FHOD3: variants seen among roughly 807,000 people sequenced by gnomAD.
FHOD3 encodes FH1/FH2 domain-containing protein 3.
In FHOD3, 90 loss-of-function variants were observed where a neutral mutation model predicts 173.0. The observed-to-expected ratio is 0.52, with a 90% CI of 0.44 to 0.62. FHOD3 has a LOEUF of 0.62. Among genes scored for constraint, FHOD3 ranks in the 20% least tolerant of loss-of-function variants. The pLI, the probability that FHOD3 is intolerant of heterozygous loss-of-function variation, is 0.00. For synonymous variants in FHOD3, 828 were observed against 823.0 expected (o/e 1.01, Z -0.10); for missense variants, 1,945 against 2,034.7 (o/e 0.96, Z 0.85).
At chr18:36,643,445 A>G (rs541373468) in intron 10 of FHOD3, among the ~76,000 whole-genome samples, 2 of 152,296 alleles carry the variant, frequency 1.3e-5, no homozygotes, top group African/African-American at 4.8e-5. Flanking sequence ...GGTTGGGGGC[A>G]GAATAACCCT....
At chr18:36,644,697 G>C (rs2035562906) in intron 10 of FHOD3, among the ~76,000 whole-genome samples, 1 of 152,236 alleles carries the variant, frequency 6.6e-6, no homozygotes, top group Non-Finnish European at 1.5e-5. Context: ...CAGCCATTTG[G>C]AAAAGAGTTG....
chr18:36,765,898 TTTGAAGAGA>T (rs546409317), intron 27 of FHOD3, among the ~76,000 whole-genome samples: 99 of 152,210 alleles, frequency 6.5e-4, no homozygotes, highest in African/African-American at 2.0e-3. Context: ...AGAAGCAATA[TTTGAAGAGA>T]TTGAAGAGAT....
At position 36,744,140 on chromosome 18, in the gene FHOD3, C is replaced by A; in HGVS notation, c.3988C>A (p.Pro1330Thr). The change falls in exon 23 of 29, where the codon CCA becomes ACA. Residue 1330 changes from proline (P) to threonine (T), a missense_variant. By Grantham distance (38) the Pro-to-Thr change is conservative. Transcript: ENST00000590592. ...HVCTMVVENF[P>T]DSSDLYSEIG... is the part of the protein sequence containing the mutation. Reference sequence around the variant, plus strand: ...GTGCACCATGGTGGTAGAAAACTTCCCAGACAGCTCCGATCTGTACTCGGA... The same window carrying A: ...GTGCACCATGGTGGTAGAAAACTTCACAGACAGCTCCGATCTGTACTCGGA... The A allele has an allele frequency of 6.2e-7, 1 of 1,614,148 alleles. No homozygotes were observed. Among genetic ancestry groups the A allele is most frequent in the South Asian group, 1.1e-5 (1 of 91,076 alleles).
intron 5 of FHOD3, among the ~76,000 whole-genome samples, chr18:36,565,499 C>G (rs894733197): frequency 6.6e-6 from 1 of 152,144 alleles, no homozygotes; most frequent in Non-Finnish European, 1.5e-5. Context: ...TACAGTATCC[C>G]CATCTTCATT....
At chr18:36,442,963 T>A (rs911123740) in intron 3 of FHOD3, among the ~76,000 whole-genome samples, 3 of 152,242 alleles carry the variant, frequency 2.0e-5, no homozygotes, top group African/African-American at 7.2e-5. Flanking sequence ...TTTTGTAGAA[T>A]GGCCCTCAAG....
At chr18:36,618,422 C>T (rs1173797806) in intron 9 of FHOD3, among the ~76,000 whole-genome samples, 1 of 149,638 alleles carries the variant, frequency 6.7e-6, no homozygotes, top group Non-Finnish European at 1.5e-5. Flanking sequence ...AAGTGATTCT[C>T]CTGCCTCAGC....
At chr18:36,334,273 A>G (rs2045184357) in intron 1 of FHOD3, among the ~76,000 whole-genome samples, 1 of 152,264 alleles carries the variant, frequency 6.6e-6, no homozygotes, top group African/African-American at 2.4e-5. Context: ...AAAAAATGGG[A>G]CATACAGAAA....
rs2034050113 is a variant in FHOD3 at position 36,625,685 on chromosome 18, AC to A, written c.1134del (p.Ser379ValfsTer128). The part of the protein sequence containing the change: ...QSIKSTLSAP[T>X]SPCSQSAPSF... ...CATCAAGAGCACCCTGTCGGCCCCC[AC>A]CAGTCCCTGCTCCCAGTCAGCTCCC... is the stretch of plus-strand genomic sequence containing the variant. On this transcript the variant is annotated frameshift_variant, in exon 10 of 29. Transcript: ENST00000590592. LOFTEE classifies it high-confidence loss of function. 2.5e-6 allele frequency: 4 copies of A among 1,611,480 alleles called. No individual in the cohort carries two copies. The highest frequency in any genetic ancestry group is 3.4e-6 in the Non-Finnish European group (4 of 1,178,602).
chr18:36,406,606 C>G (rs1011146692), intron 3 of FHOD3, among the ~76,000 whole-genome samples: 4 of 152,190 alleles, frequency 2.6e-5, no homozygotes, highest in Non-Finnish European at 2.9e-5. Flanking sequence ...GCCTATCAGT[C>G]ATATTCACTT....
At chr18:36,611,802 G>A in intron 8 of FHOD3, 150 bp from the exon 9 acceptor site, 1 of 700,104 alleles carries the variant, frequency 1.4e-6, no homozygotes, top group Non-Finnish European at 2.3e-6. Context: ...ACACTGAAGA[G>A]GCTTTTGCTC....
intron 3 of FHOD3, among the ~76,000 whole-genome samples, chr18:36,425,608 G>C (rs557344115): frequency 6.6e-6 from 1 of 152,100 alleles, no homozygotes; most frequent in Non-Finnish European, 1.5e-5. Flanking sequence ...CAACAGTGGC[G>C]CTTGACTCCA....
intron 6 of FHOD3, among the ~76,000 whole-genome samples, chr18:36,582,182 G>A (rs971018806): frequency 3.9e-5 from 6 of 152,184 alleles, no homozygotes; most frequent in African/African-American, 1.4e-4. Flanking sequence ...AAGTGCCATG[G>A]AGCCTGGTGC....
intron 14 of FHOD3, among the ~76,000 whole-genome samples, chr18:36,662,079 C>T (rs1187426552): frequency 2.1e-4 from 32 of 152,144 alleles, no homozygotes. Flanking sequence ...TATTTGTGTT[C>T]AAGTATTCAA....
intron 1 of FHOD3, among the ~76,000 whole-genome samples, chr18:36,342,588 T>A (rs1361183297): frequency 6.6e-6 from 1 of 152,190 alleles, no homozygotes; most frequent in African/African-American, 2.4e-5. Flanking sequence ...TAACTACTAA[T>A]GTAGCATTCT....
intron 2 of FHOD3, among the ~76,000 whole-genome samples, chr18:36,370,430 G>A (rs1173060803): frequency 2.7e-5 from 4 of 150,676 alleles, no homozygotes; most frequent in Non-Finnish European, 5.9e-5. Flanking sequence ...CCTCCAGGAT[G>A]GTGGGCTTGC....
chr18:36,535,787 C>T (rs2146975312), intron 5 of FHOD3, among the ~76,000 whole-genome samples: 1 of 151,832 alleles, frequency 6.6e-6, no homozygotes, highest in Admixed American at 6.6e-5. Flanking sequence ...ATTTTTTTGC[C>T]AGTTTATTTA....
At chr18:36,457,203 G>A (rs974117079) in intron 3 of FHOD3, among the ~76,000 whole-genome samples, 1 of 152,114 alleles carries the variant, frequency 6.6e-6, no homozygotes, top group Non-Finnish European at 1.5e-5. Flanking sequence ...CTGTGTGTTG[G>A]TGCCCACTCA....
chr18:36,765,145 G>A (rs1230786823), intron 27 of FHOD3, among the ~76,000 whole-genome samples: 1 of 152,200 alleles, frequency 6.6e-6, no homozygotes, highest in Non-Finnish European at 1.5e-5. Context: ...AGGGAGGAAG[G>A]TCAGCGGGTG....
chr18:36,754,976 TTTATTATTATTATTATTATTA>T (rs142900451), intron 24 of FHOD3, 122 bp from the exon 25 acceptor site: 2 of 168,274 alleles, frequency 1.2e-5, no homozygotes, highest in African/African-American at 2.6e-5. Context: ...TGTTGGTTTC[TTTATTATTATTATTATTATTA>T]TTATTATTAT....
Sources: allele counts gnomAD v4.1 joint callset (sites outside exome capture counted in the v4.1 genomes callset), GRCh38; gene constraint gnomAD v4.1.1; transcripts MANE v1.5; gene names NCBI Gene and HGNC (gene_info 2026-07-23, HGNC 2026-07-21).